Variants in IFT172 observed in about 807,000 individuals in gnomAD.
IFT172 encodes the protein intraflagellar transport 172, also known as intraflagellar transport protein 172 homolog.
A neutral mutation model predicts 248.9 loss-of-function variants in IFT172; 164 were observed. That is an observed-to-expected ratio of 0.66 (90% CI 0.58 to 0.75). The LOEUF (loss-of-function observed/expected upper bound fraction) is 0.75. IFT172 is among the 30% of genes least tolerant of loss of function. IFT172 has a pLI of 0.00. For synonymous variants in IFT172, 729 were observed against 791.6 expected (o/e 0.92, Z 1.33); for missense variants, 1,950 against 2,192.4 (o/e 0.89, Z 2.21).
intron 14 of IFT172, 106 bp from the exon 15 acceptor site, chr2:27,472,468 T>C: frequency 1.0e-5 from 8 of 800,892 alleles, no homozygotes; most frequent in Admixed American, 5.2e-5. Context: ...AGGTCTCTTT[T>C]AGAATTGTAG....
rs1184585487 is a variant in IFT172, at chr2:27,485,444, G to A, written c.99C>T (p.Val33=). The A allele has an allele frequency of 6.2e-7, 1 of 1,614,106 alleles. No individual in the cohort carries two copies. The highest frequency in any genetic ancestry group is 8.5e-7 in the Non-Finnish European group (1 of 1,179,974). Residue 33 remains valine (V), a synonymous_variant, in exon 2 of 48, where the codon GTC becomes GTT. Transcript: ENST00000260570. Reference sequence around the variant, plus strand: ...GCAAGACCACTCGGTCCACTGTGCAGACAGCAAATTTGGCATTGTTCTGGG... The same window carrying A: ...GCAAGACCACTCGGTCCACTGTGCAAACAGCAAATTTGGCATTGTTCTGGG... The part of the protein sequence containing the change: ...AWSQNNAKFA[V]CTVDRVVLLY...
At chr2:27,444,795 A>G (rs965724751) in intron 47 of IFT172, among the ~76,000 whole-genome samples, 5 of 152,022 alleles carry the variant, frequency 3.3e-5, no homozygotes, top group African/African-American at 7.2e-5. Context: ...TTACAGGTGC[A>G]CGCCACCAGA....
chr2:27,445,497 G>A lies in IFT172; in HGVS notation c.4915-48C>T. 1.9e-6 allele frequency: 3 copies of A among 1,576,612 alleles called. No homozygotes were observed. The highest frequency in any genetic ancestry group is 1.2e-5 in the South Asian group (1 of 86,566). The stretch of plus-strand genomic sequence containing the variant: ...GGTAGCTTCACACAGGGCAGGGCAG[G>A]ACAAGTTGGGGTGGATGGGTGAGGA... On this transcript the variant is annotated intron_variant, in intron 45 of 47. Transcript: ENST00000260570. This position sits in a 1 kb window ranked among gnomAD's most constrained non-coding sequence, Gnocchi z 4.4.
chr2:27,449,715 C>A lies in IFT172; in HGVS notation c.4136G>T (p.Arg1379Leu), dbSNP rs772212247. The A allele has an allele frequency of 3.7e-6, 6 of 1,613,608 alleles. No individual in the cohort carries two copies. Among genetic ancestry groups the A allele is most frequent in the African/African-American group, 1.3e-5 (1 of 74,912 alleles). The change falls in exon 37 of 48, where the codon CGT becomes CTT. Residue 1379 changes from arginine to leucine, a missense_variant. Physicochemically the swap from Arg to Leu is moderately radical, Grantham distance 102. Coordinates refer to ENST00000260570, the MANE Select transcript of IFT172 (RefSeq NM_015662.3). ...IEGEEWNKAK[R>L]VAKELDPRYE... ...CCTGGGATCTAACTCCTTAGCTACA[C>A]GCTTCGCCTTGTTCCACTCCTCACC...
intron 20 of IFT172, 59 bp from the exon 21 acceptor site, chr2:27,461,895 G>A (rs1666708755): frequency 6.3e-7 from 1 of 1,594,134 alleles, no homozygotes; most frequent in Admixed American, 1.7e-5. Context: ...TCAGAAAGCA[G>A]CAAGCTCTCC....
rs377732628 is a variant in IFT172 at position 27,475,789 on chromosome 2, T to A, written c.1411+852A>T. ...CTAGAGTCCCATTCTTTTTTTTTTT[T>A]AAATTTAATTAATTTCTTTTTTCAT... is the stretch of plus-strand genomic sequence containing the variant. On this transcript the variant is annotated intron_variant, in intron 14 of 47. Coordinates refer to ENST00000260570, the MANE Select transcript of IFT172 (RefSeq NM_015662.3). 1.5e-4 allele frequency among the ~76,000 whole-genome samples: 21 copies of A among 143,610 alleles called. No homozygotes were observed. The South Asian group carries it at 2.2e-3, about 15-fold the overall frequency. 94.2% of individuals were successfully genotyped at this position (143,610 alleles called of 152,430 possible).
chr2:27,465,322 ACACCGGATTGGAGTAGCC>A (rs1667004825), intron 18 of IFT172, 71 bp downstream of exon 18: 1 of 1,076,012 alleles, frequency 9.3e-7, no homozygotes, highest in South Asian at 1.3e-5. Context: ...GAGTACCTTA[ACACCGGATTGGAGTAGCC>A]CACAGGGAAA....
chr2:27,454,279 AG>A lies in IFT172; in HGVS notation c.3530+74del. 1 of 1,606,936 alleles carries A rather than the reference AG, an allele frequency of 6.2e-7. No homozygotes were observed. Among genetic ancestry groups the A allele is most frequent in the Non-Finnish European group, 8.5e-7 (1 of 1,173,604 alleles). The stretch of plus-strand genomic sequence containing the variant: ...ACTGATTTGTTCTAGGTTTGAATGA[AG>A]GTCAAGATAATCATGAAAGATCCTG... On this transcript the variant is annotated intron_variant, in intron 32 of 47. Coordinates refer to ENST00000260570, the MANE Select transcript of IFT172 (RefSeq NM_015662.3). This position sits in a 1 kb window ranked among gnomAD's most constrained non-coding sequence, Gnocchi z 4.2.
At chr2:27,464,001 C>T (rs1182676794) in intron 18 of IFT172, among the ~76,000 whole-genome samples, 1 of 152,130 alleles carries the variant, frequency 6.6e-6, no homozygotes, top group African/African-American at 2.4e-5. Context: ...GAAAATGACA[C>T]AATCTATGTT....
At chr2:27,482,787 G>C (rs934665758) in intron 7 of IFT172, among the ~76,000 whole-genome samples, 1 of 151,200 alleles carries the variant, frequency 6.6e-6, no homozygotes, top group Non-Finnish European at 1.5e-5. Context: ...ATTTCCCTTT[G>C]TCTCAAGGTC....
Position 27,465,467 on chromosome 2 carries a change from C to A in IFT172, c.1881G>T (p.Met627Ile). 6.2e-7 allele frequency: 1 copy of A among 1,614,126 alleles called. No individual in the cohort carries two copies. Among genetic ancestry groups the A allele is most frequent in the East Asian group, 2.2e-5 (1 of 44,878 alleles). ...TLEMTPETEA[M>I]WKTLSKLALE... is the part of the protein sequence containing the mutation. ...GTGCCAGTTTACTCAAGGTTTTCCA[C>A]ATTGCCTCTGTTTCTGGGGTCATTT... Residue 627 changes from methionine (M) to isoleucine (I), a missense_variant, in exon 18 of 48, where the codon ATG becomes ATT. Coordinates refer to ENST00000260570, the MANE Select transcript of IFT172 (RefSeq NM_015662.3).
intron 36 of IFT172, 33 bp downstream of exon 36, chr2:27,449,965 T>A (rs769504129): frequency 3.8e-6 from 6 of 1,573,634 alleles, no homozygotes; most frequent in Non-Finnish European, 5.2e-6. Context: ...CTCTGTGAAA[T>A]CTATTTCTGT....
In IFT172 at chr2:27,445,688, CT is replaced by C. The variant is rs1665012736; in HGVS notation, c.4914+56del. The C allele has an allele frequency of 3.8e-6, 6 of 1,584,906 alleles. No homozygotes were observed. In the Admixed American group the frequency reaches 1.0e-4, roughly 27 times the overall value. ...AGATGGCAGCACAAAGATATTCTCC[CT>C]CCTCAAGGCACTCACACTGGTGAGG... On this transcript the variant is annotated intron_variant, in intron 45 of 47. Coordinates refer to ENST00000260570, the MANE Select transcript of IFT172 (RefSeq NM_015662.3). The surrounding 1 kb of genome is among the most constrained non-coding windows in gnomAD (Gnocchi z 4.4).
intron 18 of IFT172, among the ~76,000 whole-genome samples, chr2:27,463,654 G>C (rs1227168846): frequency 2.6e-5 from 4 of 151,502 alleles, no homozygotes; most frequent in Non-Finnish European, 4.4e-5. Flanking sequence ...CCCTGTTATA[G>C]ATAGTGACTG....
chr2:27,459,349 T>A (rs745760825), intron 25 of IFT172, 29 bp downstream of exon 25: 3 of 1,612,482 alleles, frequency 1.9e-6, no homozygotes, highest in Non-Finnish European at 2.5e-6. Context: ...CTGCATTGCC[T>A]CGTGCTGCGG....
At chr2:27,467,502 C>T (rs997712095) in intron 16 of IFT172, among the ~76,000 whole-genome samples, 5 of 131,638 alleles carry the variant, frequency 3.8e-5, no homozygotes, top group African/African-American at 1.4e-4. Context: ...GTCCCAGCTA[C>T]TCAGGAGGCT....
rs753758143 is a variant in IFT172, at chr2:27,461,037, A to C, written c.2499T>G (p.Arg833=). 1 of 1,614,150 alleles carries C rather than the reference A, an allele frequency of 6.2e-7. No homozygotes were observed. Among genetic ancestry groups the C allele is most frequent in the South Asian group, 1.1e-5 (1 of 91,082 alleles). Residue 833 remains arginine, a synonymous_variant, in exon 23 of 48, where the codon CGT becomes CGG. Transcript: ENST00000260570. ...HNPQKALECY[R]KGNAFMKAVE... ...TACCTTTCATGAATGCGTTGCCTTT[A>C]CGGTAGCACTCCAGGGCCTTCTGTG...
chr2:27,467,561 A>G (rs1667192606), intron 16 of IFT172, among the ~76,000 whole-genome samples: 1 of 147,124 alleles, frequency 6.8e-6, no homozygotes. Context: ...GCAGTGAGCC[A>G]AGATCACGCC....
At chr2:27,456,083 A>G (rs1447264483) in intron 30 of IFT172, among the ~76,000 whole-genome samples, 1 of 151,370 alleles carries the variant, frequency 6.6e-6, no homozygotes, top group Non-Finnish European at 1.5e-5. Flanking sequence ...GTGGTGGTGC[A>G]TGCCTGTAGT....
Sources: gnomAD v4.1 joint callset for allele counts (sites outside exome capture counted in the v4.1 genomes callset) on GRCh38, gnomAD v4.1.1 for gene constraint, Gnocchi (gnomAD v3.1) non-coding constraint, MANE v1.5 for transcripts, NCBI Gene and HGNC (gene_info 2026-07-23, HGNC 2026-07-21) for gene names.